The following KIAA1328 variants were observed in gnomAD, a reference collection of about 807,000 sequenced individuals.
KIAA1328 encodes the protein KIAA1328, also known as protein hinderin.
KIAA1328 carries 52 observed loss-of-function variants against 68.1 expected under a neutral mutation model. That is an observed-to-expected ratio of 0.76 (90% CI 0.61 to 0.96). KIAA1328 has a LOEUF of 0.96. Among genes scored for constraint, KIAA1328 ranks in the 40% least tolerant of loss-of-function variants. The pLI, the probability that KIAA1328 is intolerant of heterozygous loss-of-function variation, is 0.00. For missense variants in KIAA1328, 641 were observed against 677.6 expected (o/e 0.95, Z 0.60); for synonymous variants, 232 against 239.4 (o/e 0.97, Z 0.28).
At chr18:37,115,093 G>C (rs187529592) in intron 7 of KIAA1328, among the ~76,000 whole-genome samples, 1 of 152,128 alleles carries the variant, frequency 6.6e-6, no homozygotes, top group Non-Finnish European at 1.5e-5. Context: ...GTACAAAGTG[G>C]AGCTGGTACC....
At chr18:36,991,426 A>G (rs1022180291) in intron 6 of KIAA1328, among the ~76,000 whole-genome samples, 13 of 152,218 alleles carry the variant, frequency 8.5e-5, no homozygotes, top group African/African-American at 3.1e-4. Context: ...TTAACTAACC[A>G]CAAATGCCTG....
intron 6 of KIAA1328, among the ~76,000 whole-genome samples, chr18:37,047,803 G>A (rs559851181): frequency 1.3e-5 from 2 of 152,146 alleles, no homozygotes; most frequent in African/African-American, 4.8e-5. Context: ...GGCTGTGAGA[G>A]TTGGGACTCT....
chr18:36,859,524 C>A (rs2047489248), intron 4 of KIAA1328, among the ~76,000 whole-genome samples: 1 of 143,518 alleles, frequency 7.0e-6, no homozygotes, highest in Non-Finnish European at 1.5e-5. Flanking sequence ...TTCTTCCCTC[C>A]CTCCCTCCCT....
intron 6 of KIAA1328, among the ~76,000 whole-genome samples, chr18:37,031,683 T>G (rs2054835023): frequency 6.6e-6 from 1 of 152,250 alleles, no homozygotes; most frequent in South Asian, 2.1e-4. Context: ...ATCAACTTGA[T>G]GGAGTCTAGT....
At chr18:36,943,306 T>C (rs1476272477) in intron 5 of KIAA1328, among the ~76,000 whole-genome samples, 1 of 152,230 alleles carries the variant, frequency 6.6e-6, no homozygotes, top group Non-Finnish European at 1.5e-5. Context: ...CTACTTTCAT[T>C]ATAGAACCTT....
intron 4 of KIAA1328, among the ~76,000 whole-genome samples, chr18:36,856,455 A>C (rs1293937656): frequency 1.3e-5 from 2 of 150,910 alleles, no homozygotes; most frequent in African/African-American, 4.9e-5. Context: ...CTGCTGCTGA[A>C]CTCTTCTGGT....
intron 5 of KIAA1328, among the ~76,000 whole-genome samples, chr18:36,952,960 A>C (rs2051222408): frequency 6.6e-6 from 1 of 152,170 alleles, no homozygotes; most frequent in Non-Finnish European, 1.5e-5. Flanking sequence ...GTAATAGTAG[A>C]AAGAGAGAAA....
At chr18:36,915,406 A>T (rs1008519395) in intron 5 of KIAA1328, among the ~76,000 whole-genome samples, 6 of 152,174 alleles carry the variant, frequency 3.9e-5, no homozygotes, top group African/African-American at 1.4e-4. Context: ...ATTCTCCCGT[A>T]GGTTGGGGAA....
chr18:37,089,527 G>A (rs554305583), intron 7 of KIAA1328, among the ~76,000 whole-genome samples: 61 of 151,714 alleles, frequency 4.0e-4, no homozygotes, highest in Non-Finnish European at 7.5e-4. Flanking sequence ...GGTGCACGCC[G>A]CCATGCCCGG....
At chr18:37,108,368 TG>T (rs1369699237) in intron 7 of KIAA1328, among the ~76,000 whole-genome samples, 1 of 132,490 alleles carries the variant, frequency 7.5e-6, no homozygotes, top group Admixed American at 8.3e-5. Context: ...GAACTACTAC[TG>T]GGGGAGGGGG....
At chr18:37,107,014 C>T (rs1474980118) in intron 7 of KIAA1328, among the ~76,000 whole-genome samples, 2 of 152,102 alleles carry the variant, frequency 1.3e-5, no homozygotes, top group African/African-American at 4.8e-5. Context: ...GAGGCCGATG[C>T]GGGCAGATCA....
At chr18:37,103,923 A>G (rs2057697952) in intron 7 of KIAA1328, among the ~76,000 whole-genome samples, 1 of 152,128 alleles carries the variant, frequency 6.6e-6, no homozygotes, top group East Asian at 1.9e-4. Flanking sequence ...AAAAATACTC[A>G]GCATCACTAA....
chr18:37,091,993 A>G (rs751704661), intron 7 of KIAA1328, among the ~76,000 whole-genome samples: 2 of 151,926 alleles, frequency 1.3e-5, no homozygotes, highest in Non-Finnish European at 2.9e-5. Flanking sequence ...GGGACTGGCC[A>G]ACTCGTATGC....
intron 9 of KIAA1328, among the ~76,000 whole-genome samples, chr18:37,214,918 G>T (rs1298898314): frequency 6.6e-6 from 1 of 152,170 alleles, no homozygotes; most frequent in Admixed American, 6.5e-5. Context: ...TAGCAATTGT[G>T]AATGGGAGTT....
chr18:36,957,928 C>T (rs190963470), intron 5 of KIAA1328, among the ~76,000 whole-genome samples: 7 of 152,132 alleles, frequency 4.6e-5, no homozygotes, highest in Admixed American at 4.6e-4. Flanking sequence ...ATTACCTTTC[C>T]CCCAAAATTC....
intron 6 of KIAA1328, among the ~76,000 whole-genome samples, chr18:37,045,835 TG>T (rs1186471899): frequency 1.3e-5 from 2 of 152,212 alleles, no homozygotes; most frequent in African/African-American, 4.8e-5. Context: ...AAGAATAGCA[TG>T]GTATGACTTT....
At chr18:37,009,892 G>A (rs1333724848) in intron 6 of KIAA1328, among the ~76,000 whole-genome samples, 1 of 152,214 alleles carries the variant, frequency 6.6e-6, no homozygotes, top group African/African-American at 2.4e-5. Context: ...AAGCCAATGA[G>A]TTTCTCTTCC....
intron 7 of KIAA1328, among the ~76,000 whole-genome samples, chr18:37,132,942 C>T (rs1352421605): frequency 6.6e-6 from 1 of 152,166 alleles, no homozygotes; most frequent in Non-Finnish European, 1.5e-5. Context: ...CATGCAACAA[C>T]TTAAATGAAT....
Position 37,005,914 on chromosome 18 carries a change from GA to G in KIAA1328, c.576+46481del, listed in dbSNP as rs201558610. Among the ~76,000 whole-genome samples the G allele has an allele frequency of 6.7e-3, 1,016 of 152,190 alleles. 15 individuals are homozygous for G. The highest frequency in any genetic ancestry group is 0.023 in the African/African-American group (941 of 41,532). ...GGGAGCCAAAAAATATGATCACATG[GA>G]AGTAGAGAGCAGAAGGATAAGAGAC... On this transcript the variant is annotated intron_variant, in intron 6 of 9. Coordinates refer to ENST00000280020, the MANE Select transcript of KIAA1328 (RefSeq NM_020776.3).
Sources: allele counts gnomAD v4.1 joint callset (sites outside exome capture counted in the v4.1 genomes callset), GRCh38; gene constraint gnomAD v4.1.1; transcripts MANE v1.5; gene names NCBI Gene and HGNC (gene_info 2026-07-23, HGNC 2026-07-21).